LRCH1: variants seen among roughly 807,000 people sequenced by gnomAD.
LRCH1 encodes leucine rich repeats and calponin homology domain containing 1.
A neutral mutation model predicts 94.9 loss-of-function variants in LRCH1; 23 were observed. The ratio of observed to expected loss-of-function variants is 0.24; its 90% CI spans 0.17 to 0.34. The LOEUF (loss-of-function observed/expected upper bound fraction) is 0.34. Ranked by LOEUF, LRCH1 falls within the 10% of genes least tolerant of loss-of-function variation. LRCH1 has a pLI of 1.00. For missense variants in LRCH1, 790 were observed against 945.9 expected (o/e 0.84, Z 2.16); for synonymous variants, 364 against 354.9 (o/e 1.03, Z -0.29).
intron 1 of LRCH1, among the ~76,000 whole-genome samples, chr13:46,639,884 C>T (rs1343608783): frequency 1.3e-5 from 2 of 152,206 alleles, no homozygotes; most frequent in Non-Finnish European, 2.9e-5. Context: ...TGTGTGTCTC[C>T]CTTTCTGCAC....
At chr13:46,656,742 G>T (rs185341031) in intron 2 of LRCH1, among the ~76,000 whole-genome samples, 4 of 152,332 alleles carry the variant, frequency 2.6e-5, no homozygotes, top group African/African-American at 7.2e-5. Context: ...TTTCAAGGTG[G>T]AACCCGTAGC....
At chr13:46,582,017 G>T (rs1468410563) in intron 1 of LRCH1, among the ~76,000 whole-genome samples, 1 of 152,094 alleles carries the variant, frequency 6.6e-6, no homozygotes, top group East Asian at 1.9e-4. Context: ...GGGCGTGCTG[G>T]TGTGTGCCTG....
At chr13:46,723,776 G>T (rs1236409158) in intron 17 of LRCH1, among the ~76,000 whole-genome samples, 1 of 151,814 alleles carries the variant, frequency 6.6e-6, no homozygotes, top group Admixed American at 6.6e-5. Context: ...CTTCAGCCTG[G>T]GTGACAACAG....
At chr13:46,667,528 G>C (rs1449885925) in intron 2 of LRCH1, among the ~76,000 whole-genome samples, 2 of 82,436 alleles carry the variant, frequency 2.4e-5, no homozygotes, top group Non-Finnish European at 5.8e-5. Flanking sequence ...GCCTGTCGTG[G>C]GGTGGGGGGA....
intron 9 of LRCH1, 88 bp from the exon 10 acceptor site, chr13:46,699,248 G>A (rs777699895): frequency 9.2e-6 from 9 of 975,122 alleles, no homozygotes; most frequent in South Asian, 1.3e-5. Flanking sequence ...TGTGAATAAC[G>A]CTGTTATAAA....
chr13:46,729,498 GC>G (rs1872993251), intron 18 of LRCH1, among the ~76,000 whole-genome samples: 1 of 147,358 alleles, frequency 6.8e-6, no homozygotes, highest in Non-Finnish European at 1.5e-5. Context: ...GCTGTAGTGA[GC>G]CATGATTGTG....
intron 13 of LRCH1, among the ~76,000 whole-genome samples, chr13:46,707,719 T>G (rs1871841348): frequency 1.3e-5 from 2 of 152,224 alleles, no homozygotes; most frequent in Admixed American, 1.3e-4. Context: ...TTCCTGAATT[T>G]TTTTTAAAAA....
At chr13:46,677,255 C>CAAAAAAAAAAAA (rs67827727) in intron 3 of LRCH1, among the ~76,000 whole-genome samples, 20 of 98,026 alleles carry the variant, frequency 2.0e-4, no homozygotes, top group Non-Finnish European at 2.3e-4. Flanking sequence ...ACTAAAAATA[C>CAAAAAAAAAAAA]AAAAAAAAAA....
intron 1 of LRCH1, among the ~76,000 whole-genome samples, chr13:46,644,751 G>A (rs943988672): frequency 6.6e-6 from 1 of 152,178 alleles, no homozygotes; most frequent in Non-Finnish European, 1.5e-5. Flanking sequence ...CCCCAGTGTA[G>A]GCCTGGGCAT....
chr13:46,661,707 G>A (rs1219765667), intron 2 of LRCH1, among the ~76,000 whole-genome samples: 1 of 152,206 alleles, frequency 6.6e-6, no homozygotes, highest in Non-Finnish European at 1.5e-5. Context: ...TAATATCCAT[G>A]CATGTTCCAC....
intron 1 of LRCH1, among the ~76,000 whole-genome samples, chr13:46,573,481 T>C (rs1212634570): frequency 6.6e-6 from 1 of 152,140 alleles, no homozygotes; most frequent in Non-Finnish European, 1.5e-5. Flanking sequence ...GCATCCTAAG[T>C]GTCCATCAAC....
chr13:46,748,010 T>C (rs1218647140), downstream of LRCH1, among the ~76,000 whole-genome samples: 2 of 152,146 alleles, frequency 1.3e-5, no homozygotes, highest in East Asian at 3.8e-4. Flanking sequence ...CCAAAGTGCT[T>C]GGATTACAGG....
rs1354948410 is a variant in LRCH1 at position 46,744,137 on chromosome 13, C to T, written c.*2289C>T. ...CTCTGTGGTTTTTCTCCAAGGTACCCGTGCACCAGCCCATATGCTAACTGG... is the reference window on the plus strand; with the variant it reads ...CTCTGTGGTTTTTCTCCAAGGTACCTGTGCACCAGCCCATATGCTAACTGG... On this transcript the variant is annotated 3_prime_UTR_variant, in exon 20 of 20. Transcript: ENST00000389797. 6 of 985,208 alleles carry T rather than the reference C, an allele frequency of 6.1e-6. No homozygotes were observed. Among genetic ancestry groups the T allele is most frequent in the South Asian group, 4.7e-5 (1 of 21,268 alleles). 61.0% of individuals were successfully genotyped at this position (985,208 alleles called of 1,614,324 possible). A position where few individuals can be genotyped will look rare whatever the true frequency, so the allele number is the denominator to read the frequency against.
intron 1 of LRCH1, among the ~76,000 whole-genome samples, chr13:46,587,998 A>G (rs112302184): frequency 1.1e-4 from 17 of 152,298 alleles, no homozygotes; most frequent in African/African-American, 4.1e-4. Flanking sequence ...GAATATTTAA[A>G]TATAATTTAA....
chr13:46,646,158 T>C (rs1395090467), intron 1 of LRCH1, among the ~76,000 whole-genome samples: 1 of 152,218 alleles, frequency 6.6e-6, no homozygotes, highest in African/African-American at 2.4e-5. Context: ...ATATTTTCCT[T>C]AATTTAATAT....
Position 46,728,763 on chromosome 13 carries a change from A to G in LRCH1, c.1870-84A>G, listed in dbSNP as rs555446300. 2.8e-5 allele frequency: 36 copies of G among 1,267,474 alleles called. No individual in the cohort carries two copies. In the African/African-American group the frequency reaches 5.2e-4, roughly 18 times the overall value. 78.5% of individuals were successfully genotyped at this position (1,267,474 alleles called of 1,614,324 possible). A position where few individuals can be genotyped will look rare whatever the true frequency, so the allele number is the denominator to read the frequency against. On this transcript the variant is annotated intron_variant, in intron 17 of 19. Coordinates refer to ENST00000389797, the MANE Select transcript of LRCH1 (RefSeq NM_001164211.2). ...TTTCCTATGATGAAATTAGTGCCTC[A>G]GTTCATAAATACCCATAAATGTATT...
intron 1 of LRCH1, among the ~76,000 whole-genome samples, chr13:46,591,953 T>G (rs1339205353): frequency 6.6e-6 from 1 of 152,232 alleles, no homozygotes; most frequent in Non-Finnish European, 1.5e-5. Flanking sequence ...TGAAAAATGT[T>G]TCTGGTTTTC....
At chr13:46,671,345 T>C (rs908315445) in intron 3 of LRCH1, among the ~76,000 whole-genome samples, 6 of 152,250 alleles carry the variant, frequency 3.9e-5, no homozygotes, top group African/African-American at 1.4e-4. Flanking sequence ...GCTTTCTCTG[T>C]GCCAGCTCCC....
At chr13:46,675,032 C>T (rs60823681) in intron 3 of LRCH1, among the ~76,000 whole-genome samples, 11,179 of 152,262 alleles carry the variant, frequency 0.073, 493 homozygotes, top group Middle Eastern at 0.16. Context: ...GTCAATGTCT[C>T]ACTAATGTTT....
Sources: allele counts gnomAD v4.1 joint callset (sites outside exome capture counted in the v4.1 genomes callset), GRCh38; gene constraint gnomAD v4.1.1; transcripts MANE v1.5; gene names NCBI Gene and HGNC (gene_info 2026-07-23, HGNC 2026-07-21).